ARL8B: variants seen among roughly 807,000 people sequenced by gnomAD.
ARL8B encodes the protein ADP-ribosylation factor-like protein 8B.
ARL8B carries 9 observed loss-of-function variants against 30.6 expected under a neutral mutation model. That is an observed-to-expected ratio of 0.29 (90% CI 0.18 to 0.51). The LOEUF is 0.51. ARL8B is among the 20% of genes least tolerant of loss of function. The pLI is 0.97. For missense variants in ARL8B, 130 were observed against 227.2 expected (o/e 0.57, Z 2.75); for synonymous variants, 74 against 76.0 (o/e 0.97, Z 0.14).
intron 1 of ARL8B, among the ~76,000 whole-genome samples, chr3:5,123,046 G>A (rs1182382925): frequency 1.3e-5 from 2 of 152,244 alleles, no homozygotes; most frequent in Non-Finnish European, 1.5e-5. Flanking sequence ...TGCCACTTTG[G>A]ACCAATAGAC....
intron 1 of ARL8B, among the ~76,000 whole-genome samples, chr3:5,139,979 T>C (rs910806441): frequency 1.4e-5 from 2 of 147,836 alleles, no homozygotes; most frequent in Non-Finnish European, 3.0e-5. Context: ...CAAGATGTGA[T>C]TAGTTTTGTT....
intron 4 of ARL8B, 52 bp downstream of exon 4, chr3:5,172,792 T>G: frequency 1.8e-6 from 2 of 1,089,796 alleles, no homozygotes; most frequent in Non-Finnish European, 2.7e-6. Flanking sequence ...ATGATATTAA[T>G]TATGGTAATT....
intron 1 of ARL8B, among the ~76,000 whole-genome samples, chr3:5,143,654 AC>A (rs1367427482): frequency 6.6e-6 from 1 of 152,150 alleles, no homozygotes; most frequent in African/African-American, 2.4e-5. Context: ...CTTCATAGGG[AC>A]CTTCTCAGGT....
intron 1 of ARL8B, chr3:5,157,033 A>G (rs530620868): frequency 6.6e-6 from 1 of 152,334 alleles, no homozygotes; most frequent in Non-Finnish European, 1.5e-5. Flanking sequence ...CCTGTGGAGA[A>G]TATTGATTTG....
At chr3:5,142,427 A>G (rs769605654) in intron 1 of ARL8B, among the ~76,000 whole-genome samples, 95 of 152,092 alleles carry the variant, frequency 6.2e-4, no homozygotes, top group Non-Finnish European at 1.2e-3. Flanking sequence ...TTGTTTCCCC[A>G]TGCGTCCTTG....
At chr3:5,141,219 G>A (rs2054370817) in intron 1 of ARL8B, among the ~76,000 whole-genome samples, 2 of 152,166 alleles carry the variant, frequency 1.3e-5, no homozygotes, top group Admixed American at 1.3e-4. Flanking sequence ...TACATCCACA[G>A]GCTGGCTTCC....
rs893400593 is a variant in ARL8B, at chr3:5,145,011, A to G, written c.123+22423A>G. Among the ~76,000 whole-genome samples the G allele has an allele frequency of 5.3e-5, 8 of 152,198 alleles. No individual in the cohort carries two copies. The South Asian group carries it at 1.7e-3, about 32-fold the overall frequency. ...GCATATAATTCACAGGTTTGGGCCAACCAACCATTAGGTAATCTACCTTTC... is the reference window on the plus strand; with the variant it reads ...GCATATAATTCACAGGTTTGGGCCAGCCAACCATTAGGTAATCTACCTTTC... On this transcript the variant is annotated intron_variant, in intron 1 of 6. Transcript: ENST00000256496.
At chr3:5,124,332 C>T (rs1415653897) in intron 1 of ARL8B, among the ~76,000 whole-genome samples, 2 of 146,294 alleles carry the variant, frequency 1.4e-5, no homozygotes, top group Admixed American at 1.4e-4. Context: ...CCTTGAACTC[C>T]TGGGCTCAAG....
At chr3:5,155,519 C>T (rs2054524311) in intron 1 of ARL8B, among the ~76,000 whole-genome samples, 1 of 152,120 alleles carries the variant, frequency 6.6e-6, no homozygotes, top group Admixed American at 6.6e-5. Context: ...TCTTTTAGGA[C>T]TTCCACAGTG....
At position 5,172,635 on chromosome 3, in the gene ARL8B, C is replaced by A; in HGVS notation, c.279-12C>A. The A allele has an allele frequency of 6.3e-7, 1 of 1,595,700 alleles. No individual in the cohort carries two copies. Among genetic ancestry groups the A allele is most frequent in the East Asian group, 2.2e-5 (1 of 44,648 alleles). ...CAGAGAAGGTATGTTGAGATCACTT[C>A]ATTTTTTTAAGTTACATGATAGATG... is the stretch of plus-strand genomic sequence containing the variant. On this transcript the variant is annotated splice_polypyrimidine_tract_variant and intron_variant, in intron 3 of 6. Coordinates refer to ENST00000256496, the MANE Select transcript of ARL8B (RefSeq NM_018184.3).
At chr3:5,138,302 G>A (rs1394999669) in intron 1 of ARL8B, among the ~76,000 whole-genome samples, 1 of 151,426 alleles carries the variant, frequency 6.6e-6, no homozygotes, top group African/African-American at 2.4e-5. Context: ...TTGACTTCAA[G>A]CTTTTGTACA....
chr3:5,177,532 C>T (rs1369609891), intron 6 of ARL8B, among the ~76,000 whole-genome samples: 1 of 151,388 alleles, frequency 6.6e-6, no homozygotes, highest in African/African-American at 2.4e-5. Flanking sequence ...TTTTGGCTCA[C>T]TGCAACCTCC....
At chr3:5,157,006 C>G (rs983569589) in intron 1 of ARL8B, 1 of 152,208 alleles carries the variant, frequency 6.6e-6, no homozygotes, top group African/African-American at 2.4e-5. Flanking sequence ...CTGCGACATT[C>G]TAGGTTTTGT....
intron 6 of ARL8B, among the ~76,000 whole-genome samples, chr3:5,178,350 C>CTTTTT (rs376669879): frequency 2.6e-5 from 3 of 115,310 alleles, no homozygotes; most frequent in Admixed American, 9.0e-5. Flanking sequence ...GGGGTTATTC[C>CTTTTT]TTTTTTTTTT....
chr3:5,149,279 A>T (rs755332576), intron 1 of ARL8B, among the ~76,000 whole-genome samples: 5 of 152,198 alleles, frequency 3.3e-5, no homozygotes, highest in African/African-American at 1.2e-4. Flanking sequence ...GGGTTTGTCT[A>T]TGGCCTCTGC....
At chr3:5,160,986 T>C (rs1453414063) in intron 1 of ARL8B, among the ~76,000 whole-genome samples, 2 of 152,170 alleles carry the variant, frequency 1.3e-5, no homozygotes, top group African/African-American at 4.8e-5. Context: ...TGGCACCATC[T>C]CAGCTCACTC....
chr3:5,128,112 G>A (rs1051878103), intron 1 of ARL8B, among the ~76,000 whole-genome samples: 9 of 109,516 alleles, frequency 8.2e-5, no homozygotes, highest in Non-Finnish European at 1.4e-4. Flanking sequence ...GCGTTGAGCC[G>A]AAATTGAGCG....
At chr3:5,161,808 T>A (rs1381501641) in intron 1 of ARL8B, among the ~76,000 whole-genome samples, 1 of 152,254 alleles carries the variant, frequency 6.6e-6, no homozygotes, top group Non-Finnish European at 1.5e-5. Flanking sequence ...GGGGCTTAAA[T>A]GTCACTACTT....
chr3:5,137,993 A>C (rs928680056), intron 1 of ARL8B, among the ~76,000 whole-genome samples: 2 of 151,310 alleles, frequency 1.3e-5, no homozygotes, highest in Non-Finnish European at 2.9e-5. Flanking sequence ...TTTGAGAGAG[A>C]AACTAAAATG....
Sources: allele counts gnomAD v4.1 joint callset (sites outside exome capture counted in the v4.1 genomes callset), GRCh38; gene constraint gnomAD v4.1.1; transcripts MANE v1.5; gene names NCBI Gene and HGNC (gene_info 2026-07-23, HGNC 2026-07-21).